The following RPGRIP1L variants were observed in gnomAD, a reference collection of about 807,000 sequenced individuals.
RPGRIP1L encodes the protein RPGRIP1 like.
In RPGRIP1L, 131 loss-of-function variants were observed where a neutral mutation model predicts 160.4. The ratio of observed to expected loss-of-function variants is 0.82; its 90% CI spans 0.71 to 0.94. RPGRIP1L has a LOEUF of 0.94. Ranked by LOEUF, RPGRIP1L falls within the 40% of genes least tolerant of loss-of-function variation. RPGRIP1L has a pLI of 0.00. For synonymous variants in RPGRIP1L, 510 were observed against 515.8 expected (o/e 0.99, Z 0.15); for missense variants, 1,522 against 1,535.8 (o/e 0.99, Z 0.15).
At chr16:53,608,037 G>A in intron 25 of RPGRIP1L, 3 of 849,898 alleles carry the variant, frequency 3.5e-6, no homozygotes, top group Non-Finnish European at 4.2e-6. Context: ...TCAGGTGGAA[G>A]GAAGAACAGG....
chr16:53,657,066 C>T (rs1325772651), intron 13 of RPGRIP1L, among the ~76,000 whole-genome samples: 1 of 152,022 alleles, frequency 6.6e-6, no homozygotes. Context: ...CATGGTGAAT[C>T]CCCATCTCTA....
chr16:53,656,084 A>T (rs1187711082), intron 14 of RPGRIP1L, among the ~76,000 whole-genome samples: 2 of 152,218 alleles, frequency 1.3e-5, no homozygotes, highest in African/African-American at 2.4e-5. Context: ...TTGAGTTTGT[A>T]GTAATTTATG....
intron 17 of RPGRIP1L, among the ~76,000 whole-genome samples, 180 bp from the exon 18 acceptor site, chr16:53,641,655 A>G (rs1966232862): frequency 6.6e-6 from 1 of 152,224 alleles, no homozygotes; most frequent in South Asian, 2.1e-4. Context: ...CAGATGGCTT[A>G]GAGAGTAAAA....
At chr16:53,684,414 TA>T (rs1414326394) in intron 6 of RPGRIP1L, among the ~76,000 whole-genome samples, 1 of 152,156 alleles carries the variant, frequency 6.6e-6, no homozygotes, top group African/African-American at 2.4e-5. Flanking sequence ...TATGCAGCCT[TA>T]AAAAATGATG....
chr16:53,616,401 G>GA (rs1214492524), intron 24 of RPGRIP1L, among the ~76,000 whole-genome samples: 1 of 152,102 alleles, frequency 6.6e-6, no homozygotes, highest in Non-Finnish European at 1.5e-5. Context: ...ATACTTAAAT[G>GA]AAAAATGAAG....
chr16:53,682,034 T>C (rs941830674), intron 6 of RPGRIP1L, among the ~76,000 whole-genome samples: 1 of 152,226 alleles, frequency 6.6e-6, no homozygotes, highest in African/African-American at 2.4e-5. Flanking sequence ...CTCAAAAAAA[T>C]TGCTGTTACA....
intron 12 of RPGRIP1L, among the ~76,000 whole-genome samples, 165 bp downstream of exon 12, chr16:53,658,249 T>C (rs538765413): frequency 6.6e-6 from 1 of 152,298 alleles, no homozygotes; most frequent in East Asian, 1.9e-4. Flanking sequence ...TCCTGAGTCT[T>C]AGTAGTGTTG....
intron 14 of RPGRIP1L, among the ~76,000 whole-genome samples, chr16:53,653,998 C>T (rs1967033006): frequency 2.0e-5 from 3 of 152,150 alleles, no homozygotes; most frequent in Admixed American, 6.5e-5. Flanking sequence ...GATTCTCACT[C>T]TGTCACCCAG....
chr16:53,682,696 TA>T (rs1004884204), intron 6 of RPGRIP1L, among the ~76,000 whole-genome samples: 4 of 152,198 alleles, frequency 2.6e-5, no homozygotes, highest in Non-Finnish European at 5.9e-5. Context: ...GACAATGTCT[TA>T]AACATGGCTG....
At chr16:53,689,452 A>G (rs575550859) in intron 4 of RPGRIP1L, among the ~76,000 whole-genome samples, 1 of 152,146 alleles carries the variant, frequency 6.6e-6, no homozygotes, top group South Asian at 2.1e-4. Flanking sequence ...CTCTCTACCA[A>G]TGGTTACATT....
chr16:53,611,716 G>A (rs552505647), intron 24 of RPGRIP1L, among the ~76,000 whole-genome samples: 11 of 152,332 alleles, frequency 7.2e-5, no homozygotes, highest in African/African-American at 2.4e-4. Flanking sequence ...GAAAGAAGAC[G>A]GTGAACACTT....
Position 53,672,939 on chromosome 16 carries a change from C to T in RPGRIP1L, c.960G>A (p.Gln320=), listed in dbSNP as rs148808566. The T allele has an allele frequency of 1.5e-4, 236 of 1,613,142 alleles. No individual in the cohort carries two copies. Among genetic ancestry groups the T allele is most frequent in the Non-Finnish European group, 1.7e-4 (203 of 1,179,426 alleles). Residue 320 remains glutamine (Q), a synonymous_variant, in exon 8 of 27, where the codon CAG becomes CAA. Transcript: ENST00000647211. ...GDELNMQLKE[Q]RLKCCSLEKQ... ...TCTCAAGACTGCAGCATTTTAAACG[C>T]TGCTCTTTAAGTTGCATGTTTAATT...
At chr16:53,602,667 C>T (rs1963441294) in intron 26 of RPGRIP1L, among the ~76,000 whole-genome samples, 1 of 151,612 alleles carries the variant, frequency 6.6e-6, no homozygotes, top group African/African-American at 2.4e-5. Flanking sequence ...CCCAGCTACT[C>T]AGAGGCTGAG....
intron 26 of RPGRIP1L, among the ~76,000 whole-genome samples, 154 bp from the exon 27 acceptor site, chr16:53,602,342 C>A (rs1371160020): frequency 6.6e-6 from 1 of 152,184 alleles, no homozygotes; most frequent in East Asian, 1.9e-4. Flanking sequence ...TAAACCTTGT[C>A]ACGTGTGCAT....
intron 22 of RPGRIP1L, among the ~76,000 whole-genome samples, chr16:53,624,772 TCCCC>T (rs1964971292): frequency 3.2e-4 from 17 of 52,948 alleles, no homozygotes; most frequent in Non-Finnish European, 6.5e-4. Flanking sequence ...CCCCTCCCCC[TCCCC>T]CTCGTCTCAG....
chr16:53,640,965 T>C, intron 19 of RPGRIP1L, 68 bp downstream of exon 19: 1 of 1,070,982 alleles, frequency 9.3e-7, no homozygotes, highest in Admixed American at 1.8e-5. Context: ...TAGGGAATAA[T>C]ATGCCTATAT....
Position 53,652,913 on chromosome 16 carries a change from C to A in RPGRIP1L, c.1774G>T (p.Asp592Tyr). 1.2e-6 allele frequency: 2 copies of A among 1,613,284 alleles called. No individual in the cohort carries two copies. The highest frequency in any genetic ancestry group is 1.7e-6 in the Non-Finnish European group (2 of 1,179,796). Residue 592 changes from aspartate (D) to tyrosine (Y), a missense_variant, in exon 15 of 27, where the codon GAT becomes TAT. Coordinates refer to ENST00000647211, the MANE Select transcript of RPGRIP1L (RefSeq NM_015272.5). Reference protein sequence around the residue: ...KPEIMPDDSVDEFDETIHLER... With the variant: ...KPEIMPDDSVYEFDETIHLER... ...AAGTGGATGGTTTCATCAAATTCAT[C>A]AACAGAGTCATCTGGCATGATTTCT...
intron 3 of RPGRIP1L, chr16:53,695,357 CCA>C (rs1226522389): frequency 1.4e-6 from 1 of 702,928 alleles, no homozygotes; most frequent in Non-Finnish European, 2.6e-6. Flanking sequence ...TTGTTGAAGT[CCA>C]CAGAGTAGAA....
chr16:53,664,871 T>C lies in RPGRIP1L; in HGVS notation c.1242A>G (p.Arg414=). 1 of 1,609,956 alleles carries C rather than the reference T, an allele frequency of 6.2e-7. No homozygotes were observed. The highest frequency in any genetic ancestry group is 8.5e-7 in the Non-Finnish European group (1 of 1,179,814). Residue 414 remains arginine (R), a splice_region_variant and synonymous_variant, in exon 10 of 27, where the codon AGA becomes AGG. Coordinates refer to ENST00000647211, the MANE Select transcript of RPGRIP1L (RefSeq NM_015272.5). The part of the protein sequence containing the change: ...TEILDRLKTE[R]DQNEKLVQEN... Reference sequence around the variant, plus strand: ...AGGCAGTGGTTATTTCAAATGTACCTCTTTCAGTTTTTAATCTGTCAAGGA... The same window carrying C: ...AGGCAGTGGTTATTTCAAATGTACCCCTTTCAGTTTTTAATCTGTCAAGGA...
Sources: gnomAD v4.1 joint callset for allele counts (sites outside exome capture counted in the v4.1 genomes callset) on GRCh38, gnomAD v4.1.1 for gene constraint, MANE v1.5 for transcripts, NCBI Gene and HGNC (gene_info 2026-07-23, HGNC 2026-07-21) for gene names.